Variants in SLCO1B1 observed in about 807,000 individuals in gnomAD.
SLCO1B1 encodes the protein OATP-2.
A neutral mutation model predicts 70.1 loss-of-function variants in SLCO1B1; 81 were observed. The ratio of observed to expected loss-of-function variants is 1.16; its 90% CI spans 0.97 to 1.39. The LOEUF (loss-of-function observed/expected upper bound fraction) is 1.39. Among genes scored for constraint, SLCO1B1 ranks in the 40% most tolerant of loss-of-function variants. The pLI is 0.00. For missense variants in SLCO1B1, 895 were observed against 799.6 expected (o/e 1.12, Z -1.44); for synonymous variants, 283 against 271.5 (o/e 1.04, Z -0.42).
At chr12:21,209,049 T>C (rs995253131) in intron 11 of SLCO1B1, among the ~76,000 whole-genome samples, 23 of 151,600 alleles carry the variant, frequency 1.5e-4, no homozygotes, top group African/African-American at 5.3e-4. Context: ...TTTTTTTTAA[T>C]TAATTAATTT....
chr12:21,167,814 T>G (rs1940706115), intron 2 of SLCO1B1, among the ~76,000 whole-genome samples: 1 of 150,734 alleles, frequency 6.6e-6, no homozygotes, highest in South Asian at 2.1e-4. Flanking sequence ...TTTTTCTTTC[T>G]TTTCTTTTTT....
chr12:21,151,578 A>G (rs1940471208), intron 2 of SLCO1B1, among the ~76,000 whole-genome samples: 1 of 152,134 alleles, frequency 6.6e-6, no homozygotes, highest in South Asian at 2.1e-4. Context: ...TTTATATTTT[A>G]TGCTCACTTA....
Position 21,238,930 on chromosome 12 carries a change from T to A in SLCO1B1, c.1866-49T>A, listed in dbSNP as rs754627531. ...TACTGGAGAAAATGTTTTAAGTTATTACACACAATTTAAACTGATTTATTG... is the reference window on the plus strand; with the variant it reads ...TACTGGAGAAAATGTTTTAAGTTATAACACACAATTTAAACTGATTTATTG... On this transcript the variant is annotated intron_variant, in intron 14 of 14. Coordinates refer to ENST00000256958, the MANE Select transcript of SLCO1B1 (RefSeq NM_006446.5). 2.6e-6 allele frequency: 3 copies of A among 1,154,666 alleles called. No homozygotes were observed. In the Admixed American group the frequency reaches 5.7e-5, roughly 22 times the overall value. The allele number at this position is 1,154,666 out of a possible 1,614,324, so 71.5% of individuals were successfully genotyped here.
intron 13 of SLCO1B1, 119 bp from the exon 14 acceptor site, chr12:21,224,599 ATAAT>A: frequency 1.4e-6 from 1 of 698,118 alleles, no homozygotes; most frequent in Non-Finnish European, 2.6e-6. Context: ...GCAGAACAAA[ATAAT>A]AAACGAATCC....
chr12:21,182,510 C>G (rs946772201), intron 7 of SLCO1B1, among the ~76,000 whole-genome samples: 2 of 152,154 alleles, frequency 1.3e-5, no homozygotes, highest in African/African-American at 2.4e-5. Context: ...TGAGCTGGGA[C>G]ACATCTGTAT....
Position 21,174,591 on chromosome 12 carries a change from ATTGTAT to A in SLCO1B1, c.246_251del (p.Phe83_Val84del), listed in dbSNP as rs746000053. ...TCCCTTTCTAGGAAATTTGCTTGTGATTGTATTTGTGAGTTACTTTGGATCCAAACT... is the reference window on the plus strand; with the variant it reads ...TCCCTTTCTAGGAAATTTGCTTGTGATTGTGAGTTACTTTGGATCCAAACT... On this transcript the variant is annotated inframe_deletion, in exon 4 of 15. Transcript: ENST00000256958. 6.2e-7 allele frequency: 1 copy of A among 1,613,182 alleles called. No homozygotes were observed. The highest frequency in any genetic ancestry group is 1.1e-5 in the South Asian group (1 of 91,036).
chr12:21,172,942 G>T, intron 3 of SLCO1B1, 151 bp downstream of exon 3: 1 of 720,936 alleles, frequency 1.4e-6, no homozygotes, highest in South Asian at 1.8e-5. Context: ...ACTGCACAGG[G>T]GTTGGGGGCA....
Position 21,183,705 on chromosome 12 carries a change from T to G in SLCO1B1, c.727+4685T>G, listed in dbSNP as rs544110849. Among the ~76,000 whole-genome samples the G allele has an allele frequency of 1.4e-4, 21 of 152,254 alleles. No individual in the cohort carries two copies. The South Asian group carries it at 1.7e-3, about 12-fold the overall frequency. On this transcript the variant is annotated intron_variant, in intron 7 of 14. Coordinates refer to ENST00000256958, the MANE Select transcript of SLCO1B1 (RefSeq NM_006446.5). Reference sequence around the variant, plus strand: ...CAAAAAGTAAGAATGTACCTTAACCTTCAAATGGGTGCATTTGAGCTCTCC... The same window carrying G: ...CAAAAAGTAAGAATGTACCTTAACCGTCAAATGGGTGCATTTGAGCTCTCC...
Position 21,156,305 on chromosome 12 carries a change from A to G in SLCO1B1, c.84+14647A>G, listed in dbSNP as rs115793686. ...GAAAATATTATATTAAAATAATGAT[A>G]CTAAACAAAGAATTTATGACAAATG... On this transcript the variant is annotated intron_variant, in intron 2 of 14. Transcript: ENST00000256958. Among the ~76,000 whole-genome samples the G allele has an allele frequency of 3.2e-3, 480 of 152,276 alleles. 3 individuals carry two copies. Among genetic ancestry groups the G allele is most frequent in the African/African-American group, 0.011 (439 of 41,556 alleles).
chr12:21,188,930 C>T (rs1238506605), intron 7 of SLCO1B1, among the ~76,000 whole-genome samples: 3 of 152,174 alleles, frequency 2.0e-5, no homozygotes, highest in Admixed American at 6.6e-5. Context: ...CAAGTTATCA[C>T]ATATTGCAGA....
intron 7 of SLCO1B1, among the ~76,000 whole-genome samples, chr12:21,194,429 GT>G (rs1478673887): frequency 6.6e-6 from 1 of 151,462 alleles, no homozygotes; most frequent in African/African-American, 2.4e-5. Flanking sequence ...TATTAATTTT[GT>G]TTTTTTGGGG....
intron 2 of SLCO1B1, among the ~76,000 whole-genome samples, chr12:21,150,984 CA>C (rs551893117): frequency 6.6e-6 from 1 of 152,078 alleles, no homozygotes; most frequent in Non-Finnish European, 1.5e-5. Flanking sequence ...AACAGGAATG[CA>C]TTATGAGAAA....
intron 2 of SLCO1B1, among the ~76,000 whole-genome samples, chr12:21,159,489 A>T (rs1284484143): frequency 6.6e-6 from 1 of 152,126 alleles, no homozygotes; most frequent in African/African-American, 2.4e-5. Flanking sequence ...AAAAATTCAA[A>T]TTTTTCTTAC....
chr12:21,183,783 G>A (rs11045827), intron 7 of SLCO1B1, among the ~76,000 whole-genome samples: 12,912 of 152,032 alleles, frequency 0.085, 865 homozygotes, highest in East Asian at 0.25. Context: ...CAGGCAATTC[G>A]GAATCTGGAT....
At chr12:21,211,611 G>T (rs1027964879) in intron 11 of SLCO1B1, among the ~76,000 whole-genome samples, 1 of 152,148 alleles carries the variant, frequency 6.6e-6, no homozygotes, top group South Asian at 2.1e-4. Flanking sequence ...TTTTTCTATT[G>T]ACTGGAATAG....
chr12:21,215,700 G>A (rs367742375), intron 11 of SLCO1B1, among the ~76,000 whole-genome samples: 1 of 151,970 alleles, frequency 6.6e-6, no homozygotes, highest in East Asian at 1.9e-4. Context: ...CTATATTTTG[G>A]TACCAGGATG....
intron 7 of SLCO1B1, among the ~76,000 whole-genome samples, chr12:21,182,635 CA>C (rs1940917261): frequency 6.6e-6 from 1 of 152,148 alleles, no homozygotes; most frequent in African/African-American, 2.4e-5. Context: ...CAAGGACCCC[CA>C]CCTGAGTACT....
intron 11 of SLCO1B1, among the ~76,000 whole-genome samples, chr12:21,210,502 C>T (rs1387960500): frequency 2.7e-5 from 3 of 111,458 alleles, no homozygotes; most frequent in Non-Finnish European, 3.7e-5. Context: ...GTGATGATGC[C>T]TCCAGCTTTG....
Position 21,172,790 on chromosome 12 carries a change from T to C in SLCO1B1, c.225T>C (p.Ile75=), listed in dbSNP as rs1251292787. The change falls in exon 3 of 15, where the codon ATT becomes ATC. Residue 75 remains isoleucine, a splice_region_variant and synonymous_variant. Transcript: ENST00000256958. ...LVGFIDGSFE[I]GNLLVIVFVS... is the part of the protein sequence containing the mutation. The stretch of plus-strand genomic sequence containing the variant: ...GTTTTATTGACGGAAGCTTTGAAAT[T>C]GGTAACATTTATTTTCTATTTTAAT... 1.2e-6 allele frequency: 2 copies of C among 1,612,152 alleles called. No individual in the cohort carries two copies.
Sources: allele counts gnomAD v4.1 joint callset (sites outside exome capture counted in the v4.1 genomes callset), GRCh38; gene constraint gnomAD v4.1.1; transcripts MANE v1.5; gene names NCBI Gene and HGNC (gene_info 2026-07-23, HGNC 2026-07-21).